MALAT1: variants seen among roughly 807,000 people sequenced by gnomAD.
The protein encoded by MALAT1 is metastasis associated lung adenocarcinoma transcript 1.
intron 3 of MALAT1, chr11:65,504,157 A>G (rs751063877): frequency 2.3e-5 from 12 of 516,914 alleles, no homozygotes; most frequent in Admixed American, 1.2e-4. Context: ...TCATGAAGCC[A>G]TTCAGGATTT....
At chr11:65,504,770 T>G (rs1299770977) in intron 3 of MALAT1, 5 of 518,924 alleles carry the variant, frequency 9.6e-6, no homozygotes, top group African/African-American at 9.6e-5. Flanking sequence ...GTGCATTGTT[T>G]ATGTGTGGGT....
At chr11:65,503,695 C>G (rs1854607226) in exon 3 of MALAT1, 1 of 517,606 alleles carries the variant, frequency 1.9e-6, no homozygotes, top group Non-Finnish European at 3.9e-6. Flanking sequence ...AGTGTTGGGG[C>G]AATCTTGGGG....
exon 3 of MALAT1, chr11:65,499,843 A>C (rs1854500176): frequency 7.1e-6 from 3 of 422,282 alleles, no homozygotes; most frequent in Non-Finnish European, 1.4e-5. Context: ...ACTTAGAAGA[A>C]AATTGGAAGA....
chr11:65,498,944 A>G (rs1158448731), intron 2 of MALAT1: 3 of 518,936 alleles, frequency 5.8e-6, no homozygotes, highest in Non-Finnish European at 1.2e-5. Flanking sequence ...TAACCGAAGA[A>G]CTACTTTTTG....
rs758152537 is a variant in MALAT1 at position 65,500,483 on chromosome 11, T to G, written n.1746T>G. ...AACCAGTGTTTGATGAAGCTAGGAC[T>G]GAGGAGCAAGCGAGCAAGCAGCAGT... On this transcript the variant is annotated non_coding_transcript_exon_variant, in exon 3 of 4. Coordinates refer to ENST00000619449, the Ensembl canonical transcript of MALAT1. 281 of 518,728 alleles carry G rather than the reference T, an allele frequency of 5.4e-4. 1 individual carries two copies. Among genetic ancestry groups the G allele is most frequent in the South Asian group, 1.4e-3 (103 of 71,558 alleles). The allele number at this position is 518,728 out of a possible 1,614,324, so 32.1% of individuals were successfully genotyped here.
At chr11:65,499,117 T>C (rs755774267) in exon 3 of MALAT1, 1 of 518,062 alleles carries the variant, frequency 1.9e-6, no homozygotes, top group Non-Finnish European at 3.9e-6. Context: ...GCAGATAAGT[T>C]TTTTTCTCTT....
chr11:65,498,025 T>A (rs1461552187), intron 1 of MALAT1: 1 of 518,970 alleles, frequency 1.9e-6, no homozygotes, highest in Admixed American at 1.9e-5. Context: ...TCTTGGGGTT[T>A]GGAGGAAAGC....
exon 3 of MALAT1, chr11:65,500,286 C>G (rs760409186): frequency 3.5e-5 from 18 of 518,690 alleles, no homozygotes; most frequent in South Asian, 7.0e-5. Context: ...ACTTTCGTAA[C>G]GGAAGTAATT....
exon 3 of MALAT1, chr11:65,501,963 CTT>C: frequency 1.9e-6 from 1 of 514,954 alleles, no homozygotes; most frequent in Non-Finnish European, 3.9e-6. Context: ...AACTTAAAGT[CTT>C]AGAATGGAAA....
intron 3 of MALAT1, chr11:65,504,098 G>A (rs543570610): frequency 9.7e-6 from 5 of 517,536 alleles, no homozygotes; most frequent in African/African-American, 5.8e-5. Flanking sequence ...AAGGGAGGGG[G>A]TGCCTGTGGG....
intron 1 of MALAT1, chr11:65,498,446 A>G: frequency 1.9e-6 from 1 of 518,598 alleles, no homozygotes; most frequent in South Asian, 1.4e-5. Context: ...GGCGTTTTCC[A>G]AGAGTGGGTT....
At chr11:65,500,464 T>C (rs530693513) in exon 3 of MALAT1, 7 of 518,786 alleles carry the variant, frequency 1.3e-5, no homozygotes, top group Non-Finnish European at 2.7e-5. Context: ...CAGGAACCAG[T>C]GTTTGATGAA....
At chr11:65,498,349 A>T (rs1263150373) in intron 1 of MALAT1, 1 of 517,636 alleles carries the variant, frequency 1.9e-6, no homozygotes, top group Non-Finnish European at 3.9e-6. Context: ...GCTGGCGGCA[A>T]CTGGGGGGCC....
At chr11:65,498,245 A>G (rs1207330261) in intron 1 of MALAT1, 1 of 518,766 alleles carries the variant, frequency 1.9e-6, no homozygotes, top group Admixed American at 1.9e-5. Context: ...AGGCCACTTG[A>G]ACTCGCTTTC....
intron 3 of MALAT1, chr11:65,504,308 CTTTT>C (rs36002528): frequency 2.1e-5 from 10 of 465,572 alleles, no homozygotes; most frequent in Middle Eastern, 7.6e-4. Flanking sequence ...CTTGTTGTAG[CTTTT>C]TTTTTTTTTA....
intron 1 of MALAT1, chr11:65,498,410 G>C: frequency 1.9e-6 from 1 of 518,592 alleles, no homozygotes; most frequent in Non-Finnish European, 3.8e-6. Context: ...GCTCAGGCGG[G>C]GAGCAGCTCT....
At chr11:65,502,647 G>C (rs1854576161) in exon 3 of MALAT1, 1 of 479,442 alleles carries the variant, frequency 2.1e-6, no homozygotes, top group South Asian at 1.6e-5. Flanking sequence ...ACTTTTTTCA[G>C]ATAACATCTT....
chr11:65,501,786 C>T (rs755909140), exon 3 of MALAT1: 1 of 518,734 alleles, frequency 1.9e-6, no homozygotes, highest in African/African-American at 1.9e-5. Flanking sequence ...CTTGAGTAGG[C>T]CAAATGTTGA....
At chr11:65,498,210 A>G in intron 1 of MALAT1, 1 of 518,908 alleles carries the variant, frequency 1.9e-6, no homozygotes, top group Non-Finnish European at 3.8e-6. Context: ...AGACAAAGCC[A>G]TTCGCTTAGT....
Sources: allele counts gnomAD v4.1 joint callset, GRCh38; gene constraint gnomAD v4.1.1; transcripts MANE v1.5; gene names NCBI Gene and HGNC (gene_info 2026-07-23, HGNC 2026-07-21).